Variants in MAPK9 observed in about 807,000 individuals in gnomAD.
MAPK9 encodes mitogen-activated protein kinase 9.
Under a neutral mutation model 57.1 loss-of-function variants are expected in MAPK9, and 30 were observed. The observed-to-expected ratio is 0.53, with a 90% CI of 0.39 to 0.71. The LOEUF (loss-of-function observed/expected upper bound fraction) is 0.71. MAPK9 is among the 30% of genes least tolerant of loss of function. The pLI is 0.00. For missense variants in MAPK9, 362 were observed against 521.0 expected, an observed-to-expected ratio of 0.69 and a Z score of 2.97; for synonymous variants, 155 against 177.0, an observed-to-expected ratio of 0.88 and a Z score of 0.99.
rs1288211801 is a variant in MAPK9, at chr5:180,249,245, TGAAC to T, written c.451-111_451-108del. 5 of 1,008,110 alleles carry T rather than the reference TGAAC, an allele frequency of 5.0e-6. No homozygotes were observed. The African/African-American group carries it at 5.0e-5, about 10-fold the overall frequency. The allele number at this position is 1,008,110 out of a possible 1,614,324, so 62.4% of individuals were successfully genotyped here. Reference sequence around the variant, plus strand: ...CAGTGTGAGAGTGTAGGGAGTGAACTGAACTCTGAGATTTGGGAACAACTTTGGA... The same window carrying T: ...CAGTGTGAGAGTGTAGGGAGTGAACTTCTGAGATTTGGGAACAACTTTGGA... On this transcript the variant is annotated intron_variant, in intron 5 of 11. Transcript: ENST00000452135.
intron 2 of MAPK9, among the ~76,000 whole-genome samples, chr5:180,270,513 G>A (rs950914318): frequency 1.3e-5 from 2 of 152,134 alleles, no homozygotes; most frequent in Admixed American, 6.5e-5. Flanking sequence ...TGACATACAT[G>A]TAGCCATGTA....
chr5:180,243,183 A>T (rs184057385), intron 7 of MAPK9, among the ~76,000 whole-genome samples: 2 of 152,336 alleles, frequency 1.3e-5, no homozygotes, highest in Admixed American at 1.3e-4. Context: ...ACCTGTGGAG[A>T]GACCTATCTG....
At chr5:180,291,681 G>A (rs1763255902) in intron 1 of MAPK9, among the ~76,000 whole-genome samples, 167 bp downstream of exon 1, 3 of 151,414 alleles carry the variant, frequency 2.0e-5, no homozygotes, top group Non-Finnish European at 2.9e-5. Flanking sequence ...CGGGCGGAAG[G>A]GGGCGCCTGC....
At chr5:180,269,651 C>T (rs1471288269) in intron 2 of MAPK9, among the ~76,000 whole-genome samples, 1 of 152,226 alleles carries the variant, frequency 6.6e-6, no homozygotes, top group Non-Finnish European at 1.5e-5. Context: ...ATCCTTCACA[C>T]ACCAAGGTTT....
At chr5:180,252,517 G>A (rs1275043742) in intron 5 of MAPK9, among the ~76,000 whole-genome samples, 3 of 152,234 alleles carry the variant, frequency 2.0e-5, no homozygotes, top group South Asian at 2.1e-4. Context: ...CACCCACCCC[G>A]GGCCCTGCAG....
intron 2 of MAPK9, among the ~76,000 whole-genome samples, chr5:180,271,783 C>G (rs982672159): frequency 1.3e-5 from 2 of 152,164 alleles, no homozygotes; most frequent in Non-Finnish European, 2.9e-5. Context: ...AGACTATTTC[C>G]AGGATCAAGG....
At chr5:180,278,171 C>T (rs1296226056) in intron 2 of MAPK9, among the ~76,000 whole-genome samples, 3 of 152,316 alleles carry the variant, frequency 2.0e-5, no homozygotes, top group African/African-American at 4.8e-5. Context: ...CAAGTCTCTC[C>T]GTGGTACAGG....
At chr5:180,239,547 A>G (rs933887323) in intron 10 of MAPK9, among the ~76,000 whole-genome samples, 5 of 152,196 alleles carry the variant, frequency 3.3e-5, no homozygotes, top group African/African-American at 1.2e-4. Context: ...AATAATACCT[A>G]TTTGCATATT....
chr5:180,234,893 A>G lies in MAPK9; in HGVS notation c.*1491T>C, dbSNP rs1757073845. On this transcript the variant is annotated 3_prime_UTR_variant, in exon 12 of 12. Transcript: ENST00000452135. ...TATTTATAATAAACTTTCTTATCAC[A>G]GTTCCTCCTCAGAACACACTCTACA... The G allele has an allele frequency of 2.6e-5, 4 of 152,336 alleles. No individual in the cohort carries two copies. 9.4% of individuals were successfully genotyped at this position (152,336 alleles called of 1,614,324 possible).
rs182664805 is a variant in MAPK9 at position 180,236,610 on chromosome 5, G to A, written c.1133-84C>T. On this transcript the variant is annotated intron_variant, in intron 11 of 11. Transcript: ENST00000452135. ...GCAGCGAGACTGCAGGCCATTTCTCGGCTCTGTCCTTTTGCAGTTTCCCAA... is the reference window on the plus strand; with the variant it reads ...GCAGCGAGACTGCAGGCCATTTCTCAGCTCTGTCCTTTTGCAGTTTCCCAA... The A allele has an allele frequency of 5.7e-5, 85 of 1,479,466 alleles. No individual in the cohort carries two copies. In the African/African-American group the frequency reaches 7.6e-4, roughly 13 times the overall value. The allele number at this position is 1,479,466 out of a possible 1,614,324, so 91.6% of individuals were successfully genotyped here. A position where few individuals can be genotyped will look rare whatever the true frequency, so the allele number is the denominator to read the frequency against.
At position 180,234,235 on chromosome 5, in the gene MAPK9, T is replaced by C. The variant is rs1245593366; in HGVS notation, c.*2149A>G. The C allele has an allele frequency of 6.6e-6, 1 of 152,258 alleles. No individual in the cohort carries two copies. The highest frequency in any genetic ancestry group is 1.5e-5 in the Non-Finnish European group (1 of 68,042). The allele number at this position is 152,258 out of a possible 1,614,324, so 9.4% of individuals were successfully genotyped here. On this transcript the variant is annotated 3_prime_UTR_variant, in exon 12 of 12. Transcript: ENST00000452135. The stretch of plus-strand genomic sequence containing the variant: ...CAGTTGAGCACATTTTTCAGTTCTT[T>C]AACCAACATCAGCATTTATCCATAG...
chr5:180,257,641 C>G (rs1759435826), intron 5 of MAPK9: 1 of 152,212 alleles, frequency 6.6e-6, no homozygotes. Flanking sequence ...CTTGGAGATC[C>G]CTAAGCAGGA....
In MAPK9 at chr5:180,247,210, C is replaced by G; in HGVS notation, c.688+229G>C. ...TTAAGAGCTAATATAATCGGTTTAA[C>G]TGAACTCTAAGTCTCAAAGTCATCA... On this transcript the variant is annotated intron_variant, in intron 7 of 11. Transcript: ENST00000452135. The surrounding 1 kb of genome is among the most constrained non-coding windows in gnomAD (Gnocchi z 4.5). 1 of 568,188 alleles carries G rather than the reference C, an allele frequency of 1.8e-6. No individual in the cohort carries two copies. The highest frequency in any genetic ancestry group is 3.1e-6 in the Non-Finnish European group (1 of 323,442). 35.2% of individuals were successfully genotyped at this position (568,188 alleles called of 1,614,324 possible).
At chr5:180,275,219 T>C (rs904001173) in intron 2 of MAPK9, among the ~76,000 whole-genome samples, 1 of 152,204 alleles carries the variant, frequency 6.6e-6, no homozygotes, top group Non-Finnish European at 1.5e-5. Context: ...GTTTGCTATC[T>C]AGAAATAATT....
intron 1 of MAPK9, among the ~76,000 whole-genome samples, chr5:180,281,962 C>T (rs1311032985): frequency 6.6e-6 from 1 of 152,194 alleles, no homozygotes; most frequent in Non-Finnish European, 1.5e-5. Flanking sequence ...CCCGTGTTAC[C>T]TGGGAGCAAT....
At chr5:180,272,168 C>T (rs35502524) in intron 2 of MAPK9, among the ~76,000 whole-genome samples, 219 of 152,330 alleles carry the variant, frequency 1.4e-3, no homozygotes, top group Non-Finnish European at 2.4e-3. Flanking sequence ...GATTTCTTTT[C>T]ACAGTCCCCA....
intron 2 of MAPK9, among the ~76,000 whole-genome samples, chr5:180,272,504 G>C (rs9968653): frequency 0.63 from 95,961 of 152,012 alleles, 30,543 homozygotes; most frequent in African/African-American, 0.71. Flanking sequence ...CAACTAATTA[G>C]TGTCCCTCCT....
rs1263592462 is a variant in MAPK9 at position 180,238,409 on chromosome 5, A to T, written c.1061-6T>A. 1 of 1,585,386 alleles carries T rather than the reference A, an allele frequency of 6.3e-7. No individual in the cohort carries two copies. The highest frequency in any genetic ancestry group is 1.7e-5 in the Admixed American group (1 of 59,902). On this transcript the variant is annotated splice_region_variant and splice_polypyrimidine_tract_variant and intron_variant, in intron 10 of 11. Transcript: ENST00000452135. Reference sequence around the variant, plus strand: ...GACTTCTTTGTAAATTAGCTCTTTAATAAAAATACAAGTTAAAATGCTTAA... The same window carrying T: ...GACTTCTTTGTAAATTAGCTCTTTATTAAAAATACAAGTTAAAATGCTTAA...
At chr5:180,288,990 C>G (rs1476801454) in intron 1 of MAPK9, among the ~76,000 whole-genome samples, 1 of 152,142 alleles carries the variant, frequency 6.6e-6, no homozygotes, top group Non-Finnish European at 1.5e-5. Context: ...TACAAAGTAT[C>G]AGGAATTAAT....
Sources: allele counts gnomAD v4.1 joint callset (sites outside exome capture counted in the v4.1 genomes callset), GRCh38; gene constraint gnomAD v4.1.1; non-coding constraint Gnocchi (gnomAD v3.1); transcripts MANE v1.5; gene names NCBI Gene and HGNC (gene_info 2026-07-23, HGNC 2026-07-21).